Variants in PPP1R9A observed in about 807,000 individuals in gnomAD.
PPP1R9A encodes the protein neurabin-1.
A neutral mutation model predicts 141.9 loss-of-function variants in PPP1R9A; 59 were observed. The observed-to-expected ratio is 0.42, with a 90% CI of 0.34 to 0.52. PPP1R9A has a LOEUF of 0.52. PPP1R9A is among the 20% of genes least tolerant of loss of function. The pLI is 0.10. For missense variants in PPP1R9A, 1,444 were observed against 1,611.9 expected, an observed-to-expected ratio of 0.90 and a Z score of 1.78; for synonymous variants, 500 against 569.7, an observed-to-expected ratio of 0.88 and a Z score of 1.74.
intron 2 of PPP1R9A, among the ~76,000 whole-genome samples, chr7:95,075,800 G>A (rs1037898472): frequency 2.0e-5 from 3 of 152,038 alleles, no homozygotes; most frequent in African/African-American, 7.3e-5. Flanking sequence ...TCGCGCCACT[G>A]CACTCCAGCC....
At chr7:95,134,556 C>T (rs1328299405) in intron 4 of PPP1R9A, among the ~76,000 whole-genome samples, 1 of 152,168 alleles carries the variant, frequency 6.6e-6, no homozygotes, top group Non-Finnish European at 1.5e-5. Context: ...CCTGTCTCAG[C>T]CTCCTGAGTA....
intron 16 of PPP1R9A, among the ~76,000 whole-genome samples, chr7:95,277,398 C>T (rs1159414793): frequency 1.3e-5 from 2 of 152,134 alleles, no homozygotes; most frequent in African/African-American, 2.4e-5. Context: ...CATCCCTTTT[C>T]AAATATGTGC....
At chr7:95,033,371 G>A (rs954384587) in intron 2 of PPP1R9A, among the ~76,000 whole-genome samples, 4 of 151,746 alleles carry the variant, frequency 2.6e-5, no homozygotes, top group African/African-American at 9.7e-5. Flanking sequence ...ATTCTAGTGA[G>A]CTATCTTTTC....
At chr7:95,060,267 G>A (rs975759222) in intron 2 of PPP1R9A, among the ~76,000 whole-genome samples, 2 of 152,186 alleles carry the variant, frequency 1.3e-5, no homozygotes, top group African/African-American at 2.4e-5. Flanking sequence ...TAAGTGTCTT[G>A]AGTTGACTGA....
At chr7:94,934,351 C>T (rs1794510378) in intron 2 of PPP1R9A, among the ~76,000 whole-genome samples, 1 of 152,148 alleles carries the variant, frequency 6.6e-6, no homozygotes, top group African/African-American at 2.4e-5. Context: ...TTGCTTTGAA[C>T]ATTTTGTCCT....
Position 95,161,922 on chromosome 7 carries a change from A to G in PPP1R9A, c.1705A>G (p.Thr569Ala). The G allele has an allele frequency of 1.9e-6, 3 of 1,611,298 alleles. No individual in the cohort carries two copies. Among genetic ancestry groups the G allele is most frequent in the Non-Finnish European group, 2.5e-6 (3 of 1,178,378 alleles). ...GGATGGAATCAGCTTGGTGGGTGTG[A>G]CACAGAATTTTGCAGCAACAGTTCT... ...EVDGISLVGV[T>A]QNFAATVLRN... Residue 569 changes from threonine (T) to alanine (A), a missense_variant, in exon 5 of 20, where the codon ACA becomes GCA. Thr to Ala is a moderately conservative substitution (Grantham distance 58). This residue lies in a region of PPP1R9A where 488 missense variants were observed against 542.0 expected (regional missense o/e 0.90). Transcript: ENST00000433360.
At chr7:95,229,014 A>T (rs986768438) in intron 8 of PPP1R9A, among the ~76,000 whole-genome samples, 4 of 152,074 alleles carry the variant, frequency 2.6e-5, no homozygotes, top group African/African-American at 9.7e-5. Flanking sequence ...GAGGTGGGAA[A>T]ATGGCTTGAG....
At chr7:95,130,697 C>G (rs1357560443) in intron 4 of PPP1R9A, among the ~76,000 whole-genome samples, 1 of 152,152 alleles carries the variant, frequency 6.6e-6, no homozygotes, top group Non-Finnish European at 1.5e-5. Flanking sequence ...AGGGGTGGAG[C>G]TTCCCAAAAC....
intron 2 of PPP1R9A, among the ~76,000 whole-genome samples, chr7:94,946,565 G>A (rs1175924779): frequency 6.6e-6 from 1 of 151,894 alleles, no homozygotes; most frequent in Non-Finnish European, 1.5e-5. Context: ...ATACTCATTT[G>A]CATATTTTAT....
chr7:95,166,051 A>G (rs1831196138), intron 5 of PPP1R9A, among the ~76,000 whole-genome samples: 1 of 150,894 alleles, frequency 6.6e-6, no homozygotes, highest in African/African-American at 2.4e-5. Context: ...TGGGAGGCTG[A>G]GGCAGGAGAA....
At position 94,913,033 on chromosome 7, in the gene PPP1R9A, A is replaced by G. The variant is rs550111209; in HGVS notation, c.1395+1525A>G. On this transcript the variant is annotated intron_variant, in intron 2 of 19. Coordinates refer to ENST00000433360, the MANE Select transcript of PPP1R9A (RefSeq NM_001166160.2). ...CTTTCTACCCTTTAGGAAGAAAGCA[A>G]TAAGATTAAATCGTTTCACATTGAG... Among the ~76,000 whole-genome samples, 3 of 152,278 alleles carry G rather than the reference A, an allele frequency of 2.0e-5. No homozygotes were observed. In the East Asian group the frequency reaches 5.8e-4, roughly 29 times the overall value.
At chr7:95,051,471 T>A (rs963782994) in intron 2 of PPP1R9A, among the ~76,000 whole-genome samples, 3 of 152,192 alleles carry the variant, frequency 2.0e-5, no homozygotes, top group Non-Finnish European at 4.4e-5. Flanking sequence ...GGGTCTTTTG[T>A]TTCTCCATAT....
At chr7:95,134,227 C>G (rs1233367785) in intron 4 of PPP1R9A, among the ~76,000 whole-genome samples, 1 of 152,028 alleles carries the variant, frequency 6.6e-6, no homozygotes, top group Non-Finnish European at 1.5e-5. Flanking sequence ...AACAGAAAAC[C>G]AAACACCACA....
intron 2 of PPP1R9A, among the ~76,000 whole-genome samples, chr7:95,026,980 T>C (rs1806943859): frequency 6.6e-6 from 1 of 152,056 alleles, no homozygotes; most frequent in African/African-American, 2.4e-5. Flanking sequence ...GCTGTGCTGG[T>C]AGTGAGAATT....
intron 6 of PPP1R9A, among the ~76,000 whole-genome samples, chr7:95,199,148 A>G (rs1788970097): frequency 6.6e-6 from 1 of 152,128 alleles, no homozygotes; most frequent in African/African-American, 2.4e-5. Context: ...GCTCTCCAGA[A>G]CCCTTGTGTG....
intron 2 of PPP1R9A, among the ~76,000 whole-genome samples, chr7:94,943,210 T>C (rs1234272346): frequency 6.6e-6 from 1 of 152,200 alleles, no homozygotes; most frequent in Admixed American, 6.5e-5. Flanking sequence ...TATGTAGACA[T>C]CTGTTTTCAT....
At chr7:95,193,516 A>T (rs555261458) in intron 5 of PPP1R9A, among the ~76,000 whole-genome samples, 1 of 152,124 alleles carries the variant, frequency 6.6e-6, no homozygotes, top group East Asian at 1.9e-4. Context: ...TGCAGTATGG[A>T]ACAATTCTTA....
intron 6 of PPP1R9A, among the ~76,000 whole-genome samples, chr7:95,199,211 TGA>T (rs1788985314): frequency 6.6e-6 from 1 of 152,188 alleles, no homozygotes; most frequent in Non-Finnish European, 1.5e-5. Flanking sequence ...AAATGTACAT[TGA>T]TATAATGGGA....
At chr7:95,118,426 A>G (rs1307743652) in intron 3 of PPP1R9A, among the ~76,000 whole-genome samples, 2 of 152,128 alleles carry the variant, frequency 1.3e-5, no homozygotes, top group African/African-American at 4.8e-5. Flanking sequence ...CTAAAGAGAC[A>G]CCTATGCTTA....
Sources: gnomAD v4.1 joint callset for allele counts (sites outside exome capture counted in the v4.1 genomes callset) on GRCh38, gnomAD v4.1.1 for gene constraint, gnomAD v4.1.1 regional missense constraint, MANE v1.5 for transcripts, NCBI Gene and HGNC (gene_info 2026-07-23, HGNC 2026-07-21) for gene names.